QTMAN: variants seen among roughly 807,000 people sequenced by gnomAD.
The protein encoded by QTMAN is queuosine-tRNA mannosyltransferase, also known as tRNA-queuosine alpha-mannosyltransferase.
the QTMAN span, among the ~76,000 whole-genome samples, chr2:143,961,115 G>A: frequency 6.6e-6 from 1 of 152,106 alleles, no homozygotes; most frequent in East Asian, 1.9e-4. Context: ...TTTCATGGCA[G>A]CATATATCTG....
At chr2:144,182,790 T>G in the QTMAN span, among the ~76,000 whole-genome samples, 1 of 27,486 alleles carries the variant, frequency 3.6e-5, no homozygotes, top group South Asian at 1.4e-3. Flanking sequence ...GTACATTATA[T>G]ATATATATTA....
At chr2:144,229,096 T>C in the QTMAN span, among the ~76,000 whole-genome samples, 1 of 152,230 alleles carries the variant, frequency 6.6e-6, no homozygotes, top group Non-Finnish European at 1.5e-5. Context: ...ACAAATACTT[T>C]GTGTCTAATT....
chr2:144,262,284 C>G, the QTMAN span, among the ~76,000 whole-genome samples: 10 of 152,060 alleles, frequency 6.6e-5, 1 homozygote, highest in Admixed American at 2.0e-4. Context: ...AGTGTAGTAC[C>G]TGCTATTCAA....
the QTMAN span, among the ~76,000 whole-genome samples, chr2:144,287,704 G>A: frequency 6.6e-6 from 1 of 152,114 alleles, no homozygotes; most frequent in Admixed American, 6.5e-5. Flanking sequence ...GGATAGAAGA[G>A]AGTAGTGTCC....
chr2:144,003,950 T>A, the QTMAN span, among the ~76,000 whole-genome samples: 1 of 152,080 alleles, frequency 6.6e-6, no homozygotes, highest in Admixed American at 6.6e-5. Flanking sequence ...TGGGCATATT[T>A]TTTTATGATA....
At chr2:144,206,319 A>G in the QTMAN span, among the ~76,000 whole-genome samples, 2 of 152,228 alleles carry the variant, frequency 1.3e-5, no homozygotes, top group Admixed American at 6.5e-5. Context: ...AAAATTTTTC[A>G]TATCTTTAAA....
chr2:143,966,089 G>A, the QTMAN span, among the ~76,000 whole-genome samples: 44 of 152,056 alleles, frequency 2.9e-4, no homozygotes, highest in African/African-American at 8.7e-4. Context: ...ATTTCTCACC[G>A]TTATCAACTC....
At chr2:144,279,830 C>G in the QTMAN span, among the ~76,000 whole-genome samples, 25 of 152,224 alleles carry the variant, frequency 1.6e-4, no homozygotes, top group African/African-American at 6.0e-4. Flanking sequence ...AGAGCAGGGG[C>G]TAGGGAGTAT....
the QTMAN span, among the ~76,000 whole-genome samples, chr2:144,137,867 T>C: frequency 1.3e-5 from 2 of 152,072 alleles, no homozygotes; most frequent in Admixed American, 6.6e-5. Context: ...CACTGACCTT[T>C]TAATGGTCAA....
chr2:144,177,252 T>TAA, the QTMAN span: 65,177 of 568,172 alleles, frequency 0.11, 1,045 homozygotes, highest in East Asian at 0.23. Context: ...TTGATCCCAA[T>TAA]AAAAAAAAAA....
At chr2:144,229,844 C>T in the QTMAN span, among the ~76,000 whole-genome samples, 11 of 152,078 alleles carry the variant, frequency 7.2e-5, no homozygotes, top group African/African-American at 2.7e-4. Context: ...TTATATATTC[C>T]TTACCATCAG....
the QTMAN span, among the ~76,000 whole-genome samples, chr2:144,251,768 C>A: frequency 6.6e-6 from 1 of 152,254 alleles, no homozygotes; most frequent in African/African-American, 2.4e-5. Context: ...CTGTGAAAGA[C>A]ACTCTCAAGA....
the QTMAN span, among the ~76,000 whole-genome samples, chr2:144,134,289 T>C: frequency 6.6e-6 from 1 of 152,168 alleles, no homozygotes. Context: ...ACACTGTTTT[T>C]AAAATTCCCT....
chr2:144,108,482 A>G, the QTMAN span, among the ~76,000 whole-genome samples: 2 of 152,110 alleles, frequency 1.3e-5, no homozygotes, highest in African/African-American at 4.8e-5. Context: ...TACTAAAAAT[A>G]CAAAAAATTA....
chr2:144,054,400 CT>C, the QTMAN span, among the ~76,000 whole-genome samples: 1 of 152,224 alleles, frequency 6.6e-6, no homozygotes, highest in East Asian at 1.9e-4. Flanking sequence ...TGGTAGATAC[CT>C]TGCGGATCAT....
the QTMAN span, among the ~76,000 whole-genome samples, chr2:144,280,038 A>G: frequency 1.3e-5 from 2 of 152,210 alleles, no homozygotes; most frequent in Admixed American, 6.5e-5. Flanking sequence ...TTGGACTGGT[A>G]CAAAACCTTA....
the QTMAN span, among the ~76,000 whole-genome samples, chr2:144,326,186 A>G: frequency 6.6e-6 from 1 of 152,326 alleles, no homozygotes; most frequent in Admixed American, 6.5e-5. Context: ...TGAAATCTCC[A>G]ATGCCTTACA....
the QTMAN span, among the ~76,000 whole-genome samples, chr2:144,078,823 G>A: frequency 1.3e-5 from 2 of 152,164 alleles, no homozygotes; most frequent in South Asian, 4.1e-4. Flanking sequence ...ATAGAAACCA[G>A]GCTGTCTCTG....
the QTMAN span, among the ~76,000 whole-genome samples, chr2:144,193,430 AATAT>A: frequency 6.7e-6 from 1 of 148,394 alleles, no homozygotes; most frequent in African/African-American, 2.4e-5. Flanking sequence ...TGTTATATAT[AATAT>A]ATATTATGTA....
Sources: allele counts gnomAD v4.1 joint callset (sites outside exome capture counted in the v4.1 genomes callset), GRCh38; gene constraint gnomAD v4.1.1; transcripts MANE v1.5; gene names NCBI Gene and HGNC (gene_info 2026-07-23, HGNC 2026-07-21).